The following FARP1 variants were observed in gnomAD, a reference collection of about 807,000 sequenced individuals.
FARP1 encodes the protein FERM, ARH/RhoGEF and pleckstrin domain protein 1.
In FARP1, 52 loss-of-function variants were observed where a neutral mutation model predicts 128.8. The observed-to-expected ratio is 0.40, with a 90% CI of 0.32 to 0.51. The LOEUF (loss-of-function observed/expected upper bound fraction) is 0.51. FARP1 is among the 20% of genes least tolerant of loss of function. FARP1 has a pLI of 0.45. For missense variants in FARP1, 1,333 were observed against 1,367.9 expected (o/e 0.97, Z 0.40); for synonymous variants, 580 against 551.8 (o/e 1.05, Z -0.72).
chr13:98,403,085 T>C (rs1190271256), intron 13 of FARP1: 6 of 45,926 alleles, frequency 1.3e-4, no homozygotes, highest in Admixed American at 1.0e-3. Flanking sequence ...CTGTCTGATG[T>C]CTTTTTTTTT....
intron 2 of FARP1, among the ~76,000 whole-genome samples, chr13:98,264,331 T>G (rs1332084714): frequency 6.6e-6 from 1 of 152,170 alleles, no homozygotes; most frequent in Non-Finnish European, 1.5e-5. Flanking sequence ...AATTCCTAGG[T>G]TTTAAATTGC....
intron 2 of FARP1, among the ~76,000 whole-genome samples, chr13:98,318,891 A>G (rs1001207761): frequency 6.6e-6 from 1 of 151,004 alleles, no homozygotes; most frequent in African/African-American, 2.4e-5. Flanking sequence ...TGTGTGAAAT[A>G]CAAGACATAT....
chr13:98,190,761 G>T (rs1206425429), intron 1 of FARP1, among the ~76,000 whole-genome samples: 3 of 149,900 alleles, frequency 2.0e-5, no homozygotes, highest in Non-Finnish European at 4.4e-5. Context: ...GGAGAGACAG[G>T]GTCTTGAACT....
At position 98,248,828 on chromosome 13, in the gene FARP1, A is replaced by G. The variant is rs1277260751; in HGVS notation, c.171+35415A>G. Among the ~76,000 whole-genome samples the G allele has an allele frequency of 1.4e-4, 22 of 151,826 alleles. No individual in the cohort carries two copies. In the East Asian group the frequency reaches 4.1e-3, roughly 28 times the overall value. ...TGCGTTTTCGTGCTTTTTGTTGGTG[A>G]TTTCACTGTTTAAAATGGCTCTGAA... On this transcript the variant is annotated intron_variant, in intron 2 of 26. Coordinates refer to ENST00000319562, the MANE Select transcript of FARP1 (RefSeq NM_005766.4).
chr13:98,420,053 G>C (rs1048848089), intron 16 of FARP1, among the ~76,000 whole-genome samples: 1 of 152,184 alleles, frequency 6.6e-6, no homozygotes, highest in African/African-American at 2.4e-5. Context: ...CGCCCTCTCA[G>C]AGGGAGCCCG....
intron 1 of FARP1, among the ~76,000 whole-genome samples, chr13:98,197,283 A>G (rs939415997): frequency 6.6e-6 from 1 of 152,174 alleles, no homozygotes; most frequent in African/African-American, 2.4e-5. Flanking sequence ...CCTGACCAAC[A>G]TGGAGAAACC....
At chr13:98,391,422 G>A (rs1407319324) in intron 11 of FARP1, among the ~76,000 whole-genome samples, 2 of 152,000 alleles carry the variant, frequency 1.3e-5, no homozygotes. Context: ...GGGACCACAG[G>A]TGCCCACCAC....
intron 19 of FARP1, among the ~76,000 whole-genome samples, chr13:98,437,305 G>A (rs1892310029): frequency 6.6e-6 from 1 of 152,172 alleles, no homozygotes; most frequent in African/African-American, 2.4e-5. Context: ...TAATGATACT[G>A]AAGGTGCAGG....
chr13:98,302,387 C>CT (rs1594376315), intron 2 of FARP1, among the ~76,000 whole-genome samples: 1 of 152,186 alleles, frequency 6.6e-6, no homozygotes, highest in South Asian at 2.1e-4. Flanking sequence ...CCACACTCAT[C>CT]TTTTTTTTCA....
chr13:98,274,319 G>T (rs771080822), intron 2 of FARP1, among the ~76,000 whole-genome samples: 3 of 152,114 alleles, frequency 2.0e-5, no homozygotes, highest in Admixed American at 2.0e-4. Context: ...AAGGCAGCGC[G>T]GGGCAGCGTG....
At chr13:98,232,568 CTG>C (rs1366139880) in intron 2 of FARP1, among the ~76,000 whole-genome samples, 1 of 152,198 alleles carries the variant, frequency 6.6e-6, no homozygotes, top group Non-Finnish European at 1.5e-5. Context: ...TTTCATGTCT[CTG>C]TGTTAGCATT....
At chr13:98,409,726 A>G (rs1185832987) in intron 14 of FARP1, among the ~76,000 whole-genome samples, 2 of 152,120 alleles carry the variant, frequency 1.3e-5, no homozygotes, top group Non-Finnish European at 2.9e-5. Context: ...ATCTTCCCAA[A>G]CAGAAACTAC....
chr13:98,350,907 G>C (rs1888389673), intron 3 of FARP1, among the ~76,000 whole-genome samples: 1 of 152,058 alleles, frequency 6.6e-6, no homozygotes. Flanking sequence ...TTCAGGGCCA[G>C]GTACCCACAA....
At chr13:98,311,305 G>A (rs930970050) in intron 2 of FARP1, among the ~76,000 whole-genome samples, 18 of 152,210 alleles carry the variant, frequency 1.2e-4, no homozygotes, top group African/African-American at 3.9e-4. Context: ...GAATGACTGA[G>A]TGGGATTTAA....
chr13:98,423,966 C>T (rs1164941791), intron 16 of FARP1, among the ~76,000 whole-genome samples: 1 of 152,160 alleles, frequency 6.6e-6, no homozygotes, highest in Admixed American at 6.5e-5. Flanking sequence ...CTCCACGCCT[C>T]TCTCTCTTCC....
intron 2 of FARP1, among the ~76,000 whole-genome samples, chr13:98,312,632 G>C (rs929422672): frequency 1.3e-5 from 2 of 152,124 alleles, no homozygotes; most frequent in African/African-American, 4.8e-5. Flanking sequence ...GGAATAATTA[G>C]TACACCCAGC....
intron 2 of FARP1, among the ~76,000 whole-genome samples, chr13:98,239,272 T>A (rs1385636819): frequency 6.6e-6 from 1 of 152,108 alleles, no homozygotes; most frequent in Non-Finnish European, 1.5e-5. Context: ...CGACCCTGGT[T>A]GTGTTTTCTC....
intron 7 of FARP1, among the ~76,000 whole-genome samples, 178 bp downstream of exon 7, chr13:98,385,022 G>A (rs895980785): frequency 1.3e-5 from 2 of 152,152 alleles, no homozygotes; most frequent in Non-Finnish European, 2.9e-5. Context: ...GCTCTCAGAA[G>A]CACAGGTCAC....
At chr13:98,194,090 C>T (rs550919898) in intron 1 of FARP1, among the ~76,000 whole-genome samples, 70 of 151,734 alleles carry the variant, frequency 4.6e-4, no homozygotes, top group Non-Finnish European at 6.9e-4. Flanking sequence ...TTTTATTATA[C>T]ACCATTTTAT....
Sources: allele counts gnomAD v4.1 joint callset (sites outside exome capture counted in the v4.1 genomes callset), GRCh38; gene constraint gnomAD v4.1.1; transcripts MANE v1.5; gene names NCBI Gene and HGNC (gene_info 2026-07-23, HGNC 2026-07-21).